NHSL1: variants seen among roughly 807,000 people sequenced by gnomAD.
NHSL1 encodes NHS like 1.
Under a neutral mutation model 95.0 loss-of-function variants are expected in NHSL1, and 48 were observed. The ratio of observed to expected loss-of-function variants is 0.51; its 90% CI spans 0.40 to 0.64. NHSL1 has a LOEUF of 0.64. Among genes scored for constraint, NHSL1 ranks in the 30% least tolerant of loss-of-function variants. The pLI is 0.00. For missense variants in NHSL1, 1,971 were observed against 2,077.7 expected, an observed-to-expected ratio of 0.95 and a Z score of 1.00; for synonymous variants, 783 against 833.9, an observed-to-expected ratio of 0.94 and a Z score of 1.05.
At chr6:138,441,607 A>G (rs1441700417) in intron 5 of NHSL1, among the ~76,000 whole-genome samples, 1 of 152,256 alleles carries the variant, frequency 6.6e-6, no homozygotes, top group Non-Finnish European at 1.5e-5. Context: ...CATATTCATA[A>G]TCTGACGTCC....
chr6:138,497,902 T>C (rs554635423), intron 1 of NHSL1, among the ~76,000 whole-genome samples: 1 of 152,340 alleles, frequency 6.6e-6, no homozygotes, highest in South Asian at 2.1e-4. Context: ...CATTGAGAAC[T>C]AGATATCAAG....
intron 1 of NHSL1, among the ~76,000 whole-genome samples, chr6:138,671,299 A>T (rs964878072): frequency 1.3e-5 from 2 of 151,858 alleles, no homozygotes; most frequent in African/African-American, 4.8e-5. Flanking sequence ...TCTACTAAAA[A>T]ATTAGCCGGG....
intron 1 of NHSL1, 121 bp from the exon 2 acceptor site, chr6:138,496,492 A>T: frequency 1.1e-6 from 1 of 905,774 alleles, no homozygotes; most frequent in Non-Finnish European, 1.7e-6. Context: ...GGAGCAATGG[A>T]GCAAATCCTA....
intron 1 of NHSL1, among the ~76,000 whole-genome samples, chr6:138,689,785 C>A (rs1047092767): frequency 2.0e-5 from 3 of 147,700 alleles, no homozygotes; most frequent in African/African-American, 7.6e-5. Flanking sequence ...CATTTCCACA[C>A]CTTTTTTTTT....
intron 1 of NHSL1, chr6:138,571,695 T>A (rs748073432): frequency 2.3e-4 from 359 of 1,548,526 alleles, no homozygotes; most frequent in Non-Finnish European, 2.9e-4. Flanking sequence ...TTAAATTTTT[T>A]AAAAATCGAG....
chr6:138,641,578 G>A (rs974863217), intron 1 of NHSL1, among the ~76,000 whole-genome samples: 11 of 147,390 alleles, frequency 7.5e-5, no homozygotes, highest in Admixed American at 4.1e-4. Flanking sequence ...AGCTGAGATC[G>A]TGCCACCGCA....
Position 138,432,083 on chromosome 6 carries a change from G to A in NHSL1, c.2262C>T (p.Pro754=). The part of the protein sequence containing the change: ...AGSSMTSATT[P]NVYSLCGATP... Reference sequence around the variant, plus strand: ...TGGCCCCGCACAGGGAGTAGACATTGGGGGTGGTGGCGGAAGTCATGCTGC... The same window carrying A: ...TGGCCCCGCACAGGGAGTAGACATTAGGGGTGGTGGCGGAAGTCATGCTGC... Residue 754 remains proline (P), a synonymous_variant, in exon 6 of 8, where the codon CCC becomes CCT. Transcript: ENST00000343505. The surrounding 1 kb of genome is among the most constrained non-coding windows in gnomAD (Gnocchi z 4.4). 1 of 1,551,614 alleles carries A rather than the reference G, an allele frequency of 6.4e-7. No homozygotes were observed.
chr6:138,542,523 G>A (rs571041591), intron 1 of NHSL1, among the ~76,000 whole-genome samples: 5 of 152,302 alleles, frequency 3.3e-5, no homozygotes, highest in East Asian at 1.9e-4. Context: ...TGACAATGTG[G>A]TGATATCACA....
chr6:138,547,891 C>T (rs141852344), upstream of NHSL1, among the ~76,000 whole-genome samples: 1,191 of 152,310 alleles, frequency 7.8e-3, 8 homozygotes, highest in South Asian at 0.021. Flanking sequence ...ATGTAATTTA[C>T]GAATTACAGA....
intron 3 of NHSL1, among the ~76,000 whole-genome samples, chr6:138,458,041 G>C (rs1489276039): frequency 1.3e-5 from 2 of 151,704 alleles, no homozygotes; most frequent in African/African-American, 4.8e-5. Context: ...AACTGTTAGG[G>C]TGATGTTAAG....
rs1334941485 is a variant in NHSL1 at position 138,473,355 on chromosome 6, C to T, written c.290G>A (p.Ser97Asn). Reference sequence around the variant, plus strand: ...ATCTTGGTAATCATCACAGAATGGGCTGGCGTTGGCCGCAAAGGTGGGTCC... The same window carrying T: ...ATCTTGGTAATCATCACAGAATGGGTTGGCGTTGGCCGCAAAGGTGGGTCC... ...SQGPTFAANA[S>N]PFCDDYQDED... The change falls in exon 3 of 8, where the codon AGC becomes AAC. Residue 97 changes from serine to asparagine, a missense_variant. Transcript: ENST00000343505. 1 of 1,548,500 alleles carries T rather than the reference C, an allele frequency of 6.5e-7. No individual in the cohort carries two copies. The highest frequency in any genetic ancestry group is 8.7e-7 in the Non-Finnish European group (1 of 1,145,848).
chr6:138,424,531 G>A lies in NHSL1; in HGVS notation c.4371C>T (p.Ser1457=). ...TTGACGGGCTCTCGGGGGCATCTGG[G>A]GAAGGCTCTGACCTCGACCTCTGGA... ...PRFQRSRSEP[S]PDAPESPSSC... Residue 1457 remains serine (S), a synonymous_variant, in exon 8 of 8, where the codon TCC becomes TCT. Transcript: ENST00000343505. This position sits in a 1 kb window ranked among gnomAD's most constrained non-coding sequence, Gnocchi z 5.9. The A allele has an allele frequency of 6.4e-7, 1 of 1,551,660 alleles. No individual in the cohort carries two copies. Among genetic ancestry groups the A allele is most frequent in the Non-Finnish European group, 8.7e-7 (1 of 1,146,996 alleles).
intron 1 of NHSL1, among the ~76,000 whole-genome samples, chr6:138,544,326 T>C (rs1249251172): frequency 6.6e-6 from 1 of 152,008 alleles, no homozygotes; most frequent in East Asian, 1.9e-4. Context: ...AATACTTAAA[T>C]TCATGTCAGC....
chr6:138,510,760 T>C (rs919174418), intron 1 of NHSL1, among the ~76,000 whole-genome samples: 1 of 152,206 alleles, frequency 6.6e-6, no homozygotes, highest in Non-Finnish European at 1.5e-5. Context: ...TCAATTCATA[T>C]TGAAAAGACC....
At position 138,529,557 on chromosome 6, in the gene NHSL1, T is replaced by C. The variant is rs117086295; in HGVS notation, c.16+16066A>G. 3.4e-4 allele frequency among the ~76,000 whole-genome samples: 52 copies of C among 152,298 alleles called. No homozygotes were observed. The East Asian group carries it at 9.7e-3, about 28-fold the overall frequency. ...GTCCAGCAGACTTGGCTGGGGGCCT[T>C]GCTTAGGGTCTCACAAGGCCTAAAC... On this transcript the variant is annotated intron_variant, in intron 1 of 4. Transcript: ENST00000342260.
intron 2 of NHSL1, among the ~76,000 whole-genome samples, chr6:138,492,153 T>C (rs929349566): frequency 2.0e-5 from 3 of 152,158 alleles, no homozygotes; most frequent in African/African-American, 7.2e-5. Flanking sequence ...AAATTATACA[T>C]GGACAAGAGC....
intron 1 of NHSL1, among the ~76,000 whole-genome samples, chr6:138,600,610 T>C (rs1246631216): frequency 6.6e-6 from 1 of 152,246 alleles, no homozygotes; most frequent in Admixed American, 6.5e-5. Context: ...TTAAGCCATT[T>C]GTTTTTCATG....
Position 138,432,551 on chromosome 6 carries a change from C to G in NHSL1, c.1794G>C (p.Ser598=), listed in dbSNP as rs955163253. Residue 598 remains serine (S), a synonymous_variant, in exon 6 of 8, where the codon TCG becomes TCC. Coordinates refer to ENST00000343505, the MANE Select transcript of NHSL1 (RefSeq NM_001144060.2). This position sits in a 1 kb window ranked among gnomAD's most constrained non-coding sequence, Gnocchi z 4.4. ...DQTSNKEDAG[S]LYSEDHDGYC... is the part of the protein sequence containing the mutation. ...AGCCATCGTGGTCCTCAGAATACAG[C>G]GACCCAGCATCCTCTTTGTTGGACG... 2 of 1,552,004 alleles carry G rather than the reference C, an allele frequency of 1.3e-6. No homozygotes were observed. Among genetic ancestry groups the G allele is most frequent in the African/African-American group, 2.7e-5 (2 of 73,138 alleles).
chr6:138,673,019 C>CTAGA (rs1254166848), intron 1 of NHSL1, among the ~76,000 whole-genome samples: 1 of 111,600 alleles, frequency 9.0e-6, no homozygotes, highest in African/African-American at 3.1e-5. Context: ...TCATAGATAG[C>CTAGA]TAGATAGATA....
Sources: allele counts gnomAD v4.1 joint callset (sites outside exome capture counted in the v4.1 genomes callset), GRCh38; gene constraint gnomAD v4.1.1; non-coding constraint Gnocchi (gnomAD v3.1); transcripts MANE v1.5; gene names NCBI Gene and HGNC (gene_info 2026-07-23, HGNC 2026-07-21).